The following PDE2A variants were observed in gnomAD, a reference collection of about 807,000 sequenced individuals.
PDE2A encodes cGMP-dependent 3',5'-cyclic phosphodiesterase.
PDE2A carries 53 observed loss-of-function variants against 133.6 expected under a neutral mutation model. The ratio of observed to expected loss-of-function variants is 0.40; its 90% confidence interval spans 0.32 to 0.50. The LOEUF is 0.50. Ranked by LOEUF, PDE2A falls within the 20% of genes least tolerant of loss-of-function variation. The pLI is 0.73. For missense variants in PDE2A, 796 were observed against 1,232.4 expected (o/e 0.65, Z 5.30); for synonymous variants, 491 against 490.2 (o/e 1.00, Z -0.02).
At chr11:72,612,779 C>T (rs1857273725) in intron 2 of PDE2A, among the ~76,000 whole-genome samples, 1 of 152,038 alleles carries the variant, frequency 6.6e-6, no homozygotes, top group Admixed American at 6.5e-5. Context: ...CCAGCTCCAC[C>T]TGCAGCTCTG....
At chr11:72,587,988 C>T (rs1175385474) in intron 13 of PDE2A, 1 of 152,360 alleles carries the variant, frequency 6.6e-6, no homozygotes, top group East Asian at 1.9e-4. Flanking sequence ...TGCTTGGACT[C>T]CAGAGACCAG....
At chr11:72,656,689 C>T (rs1017093457) in intron 1 of PDE2A, among the ~76,000 whole-genome samples, 5 of 151,944 alleles carry the variant, frequency 3.3e-5, no homozygotes, top group African/African-American at 1.2e-4. Context: ...TCGCCTTTCT[C>T]GGAGGTAGTG....
intron 6 of PDE2A, among the ~76,000 whole-genome samples, chr11:72,592,889 G>A (rs919455450): frequency 1.3e-5 from 2 of 152,066 alleles, no homozygotes; most frequent in Non-Finnish European, 2.9e-5. Flanking sequence ...AGCGGGGGCG[G>A]GAGGGAGGAG....
At chr11:72,626,559 A>G (rs1354812379) in intron 2 of PDE2A, among the ~76,000 whole-genome samples, 1 of 152,332 alleles carries the variant, frequency 6.6e-6, no homozygotes, top group Non-Finnish European at 1.5e-5. Context: ...TGCTGCCTAC[A>G]GCGCGGCCCC....
intron 6 of PDE2A, among the ~76,000 whole-genome samples, chr11:72,592,816 C>T (rs1856311725): frequency 6.6e-6 from 1 of 151,966 alleles, no homozygotes. Flanking sequence ...GAGACCTGGG[C>T]TGTCAAGGAT....
chr11:72,674,097 C>T (rs1297959209), intron 1 of PDE2A, 40 bp downstream of exon 1: 2 of 1,600,310 alleles, frequency 1.2e-6, no homozygotes, highest in Admixed American at 1.7e-5. Flanking sequence ...TGTGGCACCT[C>T]TCACAGCCGC....
At chr11:72,632,507 C>T (rs1858458298) in intron 2 of PDE2A, among the ~76,000 whole-genome samples, 1 of 152,136 alleles carries the variant, frequency 6.6e-6, no homozygotes, top group African/African-American at 2.4e-5. Context: ...CACCCATGTG[C>T]CTGACTCTCC....
chr11:72,592,141 C>T (rs1856279402), intron 6 of PDE2A, among the ~76,000 whole-genome samples: 1 of 152,214 alleles, frequency 6.6e-6, no homozygotes, highest in African/African-American at 2.4e-5. Flanking sequence ...CCTTCCCCCA[C>T]TCCTACTTGG....
At chr11:72,668,840 C>A (rs1855316140) in intron 1 of PDE2A, among the ~76,000 whole-genome samples, 1 of 152,124 alleles carries the variant, frequency 6.6e-6, no homozygotes, top group African/African-American at 2.4e-5. Flanking sequence ...TCCCACAGAG[C>A]TTTGTGCTTC....
chr11:72,644,761 T>G (rs1026670551), intron 1 of PDE2A, among the ~76,000 whole-genome samples: 4 of 105,646 alleles, frequency 3.8e-5, no homozygotes, highest in African/African-American at 8.2e-5. Context: ...TTATTTTATT[T>G]TATTTTATTT....
intron 2 of PDE2A, among the ~76,000 whole-genome samples, chr11:72,631,948 C>T (rs1392347672): frequency 2.0e-5 from 3 of 151,990 alleles, no homozygotes; most frequent in South Asian, 4.2e-4. Flanking sequence ...GGCTTCGTTC[C>T]CGTCAGCTGC....
chr11:72,622,950 G>C (rs1857854459), intron 2 of PDE2A, among the ~76,000 whole-genome samples: 1 of 152,188 alleles, frequency 6.6e-6, no homozygotes, highest in Non-Finnish European at 1.5e-5. Context: ...CCCAGCAACT[G>C]TTGAACTGGG....
chr11:72,605,339 T>A (rs1020912205), intron 3 of PDE2A, 113 bp from the exon 4 acceptor site: 1 of 487,480 alleles, frequency 2.1e-6, no homozygotes, highest in Non-Finnish European at 3.6e-6. Context: ...GGAGTGGAGC[T>A]CTGGCAATGA....
intron 2 of PDE2A, among the ~76,000 whole-genome samples, chr11:72,614,610 C>T (rs1022827956): frequency 6.6e-6 from 1 of 152,324 alleles, no homozygotes. Flanking sequence ...CAAGAACTTG[C>T]GTTTCCAAAC....
chr11:72,581,379 G>A lies in PDE2A; in HGVS notation c.2023C>T (p.Leu675=). 6.2e-7 allele frequency: 1 copy of A among 1,613,194 alleles called. No homozygotes were observed. Residue 675 remains leucine (L), a synonymous_variant, in exon 23 of 31, where the codon CTG becomes TTG. Transcript: ENST00000334456. The part of the protein sequence containing the change: ...SHFCYLLYKN[L]ELTNYLEDIE... The stretch of plus-strand genomic sequence containing the variant: ...CACTCGAGGTAGTTGGTGAGCTCCA[G>A]GTTCTTGTAGAGCAGGTAGCAGAAG...
rs191105260 is a variant in PDE2A at position 72,638,942 on chromosome 11, T to G, written c.144+3312A>C. Among the ~76,000 whole-genome samples, 665 of 152,304 alleles carry G rather than the reference T, an allele frequency of 4.4e-3. 17 individuals are homozygous for G. Among genetic ancestry groups the G allele is most frequent in the Admixed American group, 0.038 (574 of 15,306 alleles). ...AACCTTCCTCAGCCCCAGGCTGCAT[T>G]TCTCTGCCCACCCCAACACCCCCTT... On this transcript the variant is annotated intron_variant, in intron 2 of 30. Transcript: ENST00000334456.
chr11:72,632,038 G>C (rs1489218541), intron 2 of PDE2A, among the ~76,000 whole-genome samples: 2 of 152,212 alleles, frequency 1.3e-5, no homozygotes, highest in East Asian at 3.8e-4. Context: ...GGGACTGGGA[G>C]GGGGAGGGGG....
chr11:72,672,435 T>C (rs777655204), intron 1 of PDE2A, among the ~76,000 whole-genome samples: 3 of 152,176 alleles, frequency 2.0e-5, no homozygotes, highest in Non-Finnish European at 4.4e-5. Flanking sequence ...ATCCACCTGC[T>C]TCTGCCTCCC....
At position 72,581,893 on chromosome 11, in the gene PDE2A, A is replaced by G. The variant is rs1403836642; in HGVS notation, c.1906T>C (p.Cys636Arg). ...CGCACGAACCGGGCCAGGGTCGGGC[A>G]GTCAATTTTGTAGTTGTTGATGAAA... ...MNFINNYKIDCPTLARFCLMV... is the reference protein window; with the variant it reads ...MNFINNYKIDRPTLARFCLMV... The change falls in exon 22 of 31, where the codon TGC (cysteine) becomes CGC (arginine). Residue 636 changes from cysteine to arginine, a missense_variant. Cys to Arg is a radical substitution (Grantham distance 180). Around this residue, in one of 7 missense-constraint regions of PDE2A, gnomAD observed 218 missense variants for 465.9 expected, o/e 0.47. Coordinates refer to ENST00000334456, the MANE Select transcript of PDE2A (RefSeq NM_002599.5). The G allele has an allele frequency of 1.9e-6, 3 of 1,613,902 alleles. No individual in the cohort carries two copies. The highest frequency in any genetic ancestry group is 1.3e-5 in the African/African-American group (1 of 74,894).
Sources: gnomAD v4.1 joint callset for allele counts (sites outside exome capture counted in the v4.1 genomes callset) on GRCh38, gnomAD v4.1.1 for gene constraint, gnomAD v4.1.1 regional missense constraint, MANE v1.5 for transcripts, NCBI Gene and HGNC (gene_info 2026-07-23, HGNC 2026-07-21) for gene names.